The following VRTN variants were observed in gnomAD, a reference collection of about 807,000 sequenced individuals.
The protein encoded by VRTN is vertebrae development associated, also known as vertnin.
Under a neutral mutation model 18.2 loss-of-function variants are expected in VRTN, and 5 were observed. The ratio of observed to expected loss-of-function variants is 0.27; its 90% CI spans 0.14 to 0.58. VRTN has a LOEUF of 0.58. Ranked by LOEUF, VRTN falls within the 20% of genes least tolerant of loss-of-function variation. The pLI, the probability that VRTN is intolerant of heterozygous loss-of-function variation, is 0.91. For missense variants in VRTN, 741 were observed against 939.4 expected, an observed-to-expected ratio of 0.79 and a Z score of 2.76; for synonymous variants, 381 against 393.7, an observed-to-expected ratio of 0.97 and a Z score of 0.38.
Position 74,359,052 on chromosome 14 carries a change from C to A in VRTN, c.*160C>A. On this transcript the variant is annotated 3_prime_UTR_variant, in exon 2 of 2. Coordinates refer to ENST00000256362, the MANE Select transcript of VRTN (RefSeq NM_018228.3). Reference sequence around the variant, plus strand: ...TTTGTGTTATTTTCTGGCTCCAGGACAGAGAATGCCAGAAATCAGCCATCT... The same window carrying A: ...TTTGTGTTATTTTCTGGCTCCAGGAAAGAGAATGCCAGAAATCAGCCATCT... 1.5e-6 allele frequency: 2 copies of A among 1,319,798 alleles called. No homozygotes were observed. Among genetic ancestry groups the A allele is most frequent in the Non-Finnish European group, 2.0e-6 (2 of 1,015,442 alleles). The allele number at this position is 1,319,798 out of a possible 1,614,324, so 81.8% of individuals were successfully genotyped here. A position where few individuals can be genotyped will look rare whatever the true frequency, so the allele number is the denominator to read the frequency against.
rs1160906739 is a variant in VRTN at position 74,359,872 on chromosome 14, T to G, written c.*980T>G. On this transcript the variant is annotated 3_prime_UTR_variant, in exon 2 of 2. Coordinates refer to ENST00000256362, the MANE Select transcript of VRTN (RefSeq NM_018228.3). ...CTGTCAGTTGGGGATTCCACCTTTC[T>G]GCTGAGCGTCTTCTCGGAGCTGGAG... is the stretch of plus-strand genomic sequence containing the variant. The G allele has an allele frequency of 3.0e-5, 5 of 167,090 alleles. No homozygotes were observed. Among genetic ancestry groups the G allele is most frequent in the Non-Finnish European group, 7.3e-5 (5 of 68,156 alleles). 10.4% of individuals were successfully genotyped at this position (167,090 alleles called of 1,614,324 possible). A position where few individuals can be genotyped will look rare whatever the true frequency, so the allele number is the denominator to read the frequency against.
intron 1 of VRTN, among the ~76,000 whole-genome samples, chr14:74,326,392 G>A (rs1567040715): frequency 6.6e-6 from 1 of 152,136 alleles, no homozygotes; most frequent in South Asian, 2.1e-4. Context: ...GCCAATTGGG[G>A]GCTAGAGGAA....
rs576870772 is a variant in VRTN at position 74,359,234 on chromosome 14, G to C, written c.*342G>C. ...CCGTATGTATGTCAGGGGGTTTAGA[G>C]GGGGGTTGGTTAGCTAGAGCTGCTT... is the stretch of plus-strand genomic sequence containing the variant. On this transcript the variant is annotated 3_prime_UTR_variant, in exon 2 of 2. Coordinates refer to ENST00000256362, the MANE Select transcript of VRTN (RefSeq NM_018228.3). 1.2e-5 allele frequency: 3 copies of C among 241,450 alleles called. No homozygotes were observed. The highest frequency in any genetic ancestry group is 2.6e-5 in the Non-Finnish European group (3 of 116,404). 15.0% of individuals were successfully genotyped at this position (241,450 alleles called of 1,614,324 possible).
chr14:74,304,565 C>T, intron 1 of VRTN, among the ~76,000 whole-genome samples: 1 of 152,132 alleles, frequency 6.6e-6, no homozygotes, highest in African/African-American at 2.4e-5. Context: ...GTAGGCTTTC[C>T]TATGCAATGT....
At chr14:74,348,816 T>A (rs537840599) in intron 1 of VRTN, among the ~76,000 whole-genome samples, 164 bp downstream of exon 1, 1 of 151,992 alleles carries the variant, frequency 6.6e-6, no homozygotes, top group African/African-American at 2.4e-5. Context: ...GGAGTGTATG[T>A]AGAGGGAGAG....
chr14:74,354,630 C>G (rs2085711466), intron 1 of VRTN, among the ~76,000 whole-genome samples: 4 of 151,872 alleles, frequency 2.6e-5, no homozygotes. Flanking sequence ...GTCTCGATCT[C>G]CTGAGCTCGT....
intron 2 of VRTN, among the ~76,000 whole-genome samples, chr14:74,342,077 G>A (rs893399325): frequency 2.0e-5 from 3 of 152,000 alleles, no homozygotes; most frequent in Non-Finnish European, 1.5e-5. Context: ...AGACAGATAC[G>A]TCAGTCCAGG....
chr14:74,348,758 C>T (rs1400651021), intron 1 of VRTN, 106 bp downstream of exon 1: 2 of 152,332 alleles, frequency 1.3e-5, no homozygotes, highest in African/African-American at 2.4e-5. Context: ...CTACTGGGCC[C>T]AGGTCAAGGA....
rs926620548 is a variant in VRTN, at chr14:74,330,428, T to C, written c.-163-7295T>C. 2.7e-5 allele frequency among the ~76,000 whole-genome samples: 4 copies of C among 148,822 alleles called. 1 individual carries two copies. In the Admixed American group the frequency reaches 2.8e-4, roughly 10 times the overall value. The stretch of plus-strand genomic sequence containing the variant: ...ACTCAGTTAGTTGAAGTATAGCCCT[T>C]AGCAGTATCAAACTTTTTTTTTTTT... On this transcript the variant is annotated intron_variant, in intron 1 of 2. Transcript: ENST00000557177.
rs374824837 is a variant in VRTN, at chr14:74,303,659, C to CA, written c.-164+491dup. ...ACCCAAAGGGAGGTGGGAAATGGCTCAAAAAAAACCCAAACAGCATGATCC... is the reference window on the plus strand; with the variant it reads ...ACCCAAAGGGAGGTGGGAAATGGCTCAAAAAAAAACCCAAACAGCATGATCC... On this transcript the variant is annotated intron_variant, in intron 1 of 2. Transcript: ENST00000557177. Among the ~76,000 whole-genome samples, 582 of 151,584 alleles carry CA rather than the reference C, an allele frequency of 3.8e-3. 4 individuals carry two copies. The highest frequency in any genetic ancestry group is 0.013 in the African/African-American group (533 of 41,332).
At position 74,325,147 on chromosome 14, in the gene VRTN, G is replaced by A. The variant is rs574236091; in HGVS notation, c.-163-12576G>A. ...ATGGAGGGCCTAATAAAGTCCTGGGGAGTGCACTGGTCAAGGCAAGGGTCA... is the reference window on the plus strand; with the variant it reads ...ATGGAGGGCCTAATAAAGTCCTGGGAAGTGCACTGGTCAAGGCAAGGGTCA... On this transcript the variant is annotated intron_variant, in intron 1 of 2. Transcript: ENST00000557177. 4.6e-5 allele frequency among the ~76,000 whole-genome samples: 7 copies of A among 152,224 alleles called. No homozygotes were observed. The South Asian group carries it at 8.3e-4, about 18-fold the overall frequency.
upstream of VRTN, chr14:74,303,004 G>C (rs2085124755): frequency 1.5e-6 from 2 of 1,317,210 alleles, no homozygotes; most frequent in South Asian, 3.3e-5. Flanking sequence ...CTACCACAGA[G>C]ACGGCGTTTG....
chr14:74,352,133 AG>A (rs1306227241), intron 1 of VRTN, among the ~76,000 whole-genome samples: 1 of 151,702 alleles, frequency 6.6e-6, no homozygotes, highest in Non-Finnish European at 1.5e-5. Context: ...TACAGGCCTG[AG>A]CCACCACCAT....
chr14:74,306,156 A>AT (rs1567036588), intron 1 of VRTN: 1 of 73,420 alleles, frequency 1.4e-5, no homozygotes, highest in Admixed American at 1.3e-4. Context: ...ATATATATAT[A>AT]TATATATATA....
chr14:74,323,023 C>T lies in VRTN; in HGVS notation c.-163-14700C>T, dbSNP rs138354432. Among the ~76,000 whole-genome samples the T allele has an allele frequency of 3.3e-5, 5 of 152,082 alleles. No homozygotes were observed. In the East Asian group the frequency reaches 9.7e-4, roughly 30 times the overall value. On this transcript the variant is annotated intron_variant, in intron 1 of 2. Transcript: ENST00000557177. ...TGACATGCACCTGTAATCCTAACTACTCGGGAGGCTGAGGCAGGAGAATCA... is the reference window on the plus strand; with the variant it reads ...TGACATGCACCTGTAATCCTAACTATTCGGGAGGCTGAGGCAGGAGAATCA...
rs779005344 is a variant in VRTN, at chr14:74,357,275, C to T, written c.492C>T (p.Ser164=). The part of the protein sequence containing the change: ...EAIFDADVKA[S]CFPSSFSNVW... ...TCTTCGATGCCGACGTCAAGGCCTC[C>T]TGTTTCCCCAGCAGCTTCTCCAACG... The change falls in exon 2 of 2, where the codon TCC becomes TCT. Residue 164 remains serine, a synonymous_variant. Coordinates refer to ENST00000256362, the MANE Select transcript of VRTN (RefSeq NM_018228.3). The surrounding 1 kb of genome is among the most constrained non-coding windows in gnomAD (Gnocchi z 7.8). 1.2e-6 allele frequency: 2 copies of T among 1,613,642 alleles called. No homozygotes were observed. The highest frequency in any genetic ancestry group is 2.2e-5 in the South Asian group (2 of 91,070).
At chr14:74,351,428 A>G (rs1261105394) in intron 1 of VRTN, among the ~76,000 whole-genome samples, 2 of 151,392 alleles carry the variant, frequency 1.3e-5, no homozygotes, top group African/African-American at 4.8e-5. Flanking sequence ...CAGATTTGTT[A>G]TAATATACAC....
At chr14:74,349,568 C>G (rs902163835) in intron 1 of VRTN, among the ~76,000 whole-genome samples, 1 of 152,140 alleles carries the variant, frequency 6.6e-6, no homozygotes, top group Non-Finnish European at 1.5e-5. Context: ...TAAGCTAGAG[C>G]CCAGAATGAG....
In VRTN at chr14:74,303,501, T is replaced by G. The variant is rs112169795; in HGVS notation, c.-164+325T>G. ...GGAAGGTCAAGGCTGCAGTGAGCCG[T>G]GACTGTGCCACTGCACTCCAGCCTG... On this transcript the variant is annotated intron_variant, in intron 1 of 2. Transcript: ENST00000557177. Among the ~76,000 whole-genome samples, 1,328 of 152,228 alleles carry G rather than the reference T, an allele frequency of 8.7e-3. 22 individuals are homozygous for G. Among genetic ancestry groups the G allele is most frequent in the African/African-American group, 0.03 (1,255 of 41,528 alleles).
Sources: gnomAD v4.1 joint callset for allele counts (sites outside exome capture counted in the v4.1 genomes callset) on GRCh38, gnomAD v4.1.1 for gene constraint, Gnocchi (gnomAD v3.1) non-coding constraint, MANE v1.5 for transcripts, NCBI Gene and HGNC (gene_info 2026-07-23, HGNC 2026-07-21) for gene names.